HHIPL1: variants seen among roughly 807,000 people sequenced by gnomAD.
HHIPL1 encodes HHIP-like protein 1.
HHIPL1 carries 43 observed loss-of-function variants against 61.8 expected under a neutral mutation model. The observed-to-expected ratio is 0.70, with a 90% CI of 0.55 to 0.90. The LOEUF (loss-of-function observed/expected upper bound fraction) is 0.90. HHIPL1 is among the 40% of genes least tolerant of loss of function. The probability of loss-of-function intolerance (pLI) is 0.00; values close to 1 mark genes in which losing one functional copy is unlikely to be tolerated. For synonymous variants in HHIPL1, 482 were observed against 515.8 expected (o/e 0.93, Z 0.89); for missense variants, 1,056 against 1,157.7 (o/e 0.91, Z 1.28).
chr14:99,672,862 G>A (rs1315799633), intron 8 of HHIPL1, among the ~76,000 whole-genome samples: 2 of 152,200 alleles, frequency 1.3e-5, no homozygotes, highest in Admixed American at 6.5e-5. Flanking sequence ...GGCTGGGGCT[G>A]TTCCCCTGGG....
At chr14:99,637,049 A>AAGAAAGAG in the HHIPL1 span, among the ~76,000 whole-genome samples, 1 of 94,084 alleles carries the variant, frequency 1.1e-5, no homozygotes, top group Non-Finnish European at 2.5e-5. Flanking sequence ...GAAAGAAAGA[A>AAGAAAGAG]GGAAGGAAGG....
chr14:99,606,929 C>G, the HHIPL1 span, among the ~76,000 whole-genome samples: 1 of 152,038 alleles, frequency 6.6e-6, no homozygotes, highest in South Asian at 2.1e-4. Flanking sequence ...CCCGGAGGGC[C>G]CATATCGCAG....
At chr14:99,635,245 G>C in the HHIPL1 span, among the ~76,000 whole-genome samples, 3 of 152,162 alleles carry the variant, frequency 2.0e-5, no homozygotes, top group Admixed American at 2.0e-4. Context: ...GGAACATGGA[G>C]AGCCAGGGCC....
chr14:99,666,492 G>C (rs1442061949), intron 6 of HHIPL1, among the ~76,000 whole-genome samples: 1 of 152,196 alleles, frequency 6.6e-6, no homozygotes, highest in Non-Finnish European at 1.5e-5. Flanking sequence ...TGGGGAAACT[G>C]TGGCTGACTA....
chr14:99,670,486 T>G lies in HHIPL1; in HGVS notation c.1731-1831T>G, dbSNP rs374195345. Among the ~76,000 whole-genome samples the G allele has an allele frequency of 5.4e-4, 83 of 152,330 alleles. 2 individuals carry two copies. In the South Asian group the frequency reaches 0.015, roughly 27 times the overall value. On this transcript the variant is annotated intron_variant, in intron 7 of 8. Coordinates refer to ENST00000330710, the MANE Select transcript of HHIPL1 (RefSeq NM_001127258.3). ...TCCTGTTCCAGGATCCTGTGTTGCC[T>G]TTAGTGGTTGCGTCTGCTTAGCTTT...
chr14:99,645,822 G>A (rs2055823783), intron 1 of HHIPL1, among the ~76,000 whole-genome samples: 1 of 152,208 alleles, frequency 6.6e-6, no homozygotes, highest in Non-Finnish European at 1.5e-5. Context: ...CTGCACCCTT[G>A]TCGGGGTACC....
chr14:99,610,982 A>G, the HHIPL1 span, among the ~76,000 whole-genome samples: 1 of 152,178 alleles, frequency 6.6e-6, no homozygotes, highest in Non-Finnish European at 1.5e-5. Context: ...GCCTCCACCC[A>G]TTTGACGGAA....
upstream of HHIPL1, among the ~76,000 whole-genome samples, chr14:99,641,845 C>T (rs1314692654): frequency 6.6e-6 from 1 of 151,914 alleles, no homozygotes; most frequent in African/African-American, 2.4e-5. Flanking sequence ...TAGGATATGC[C>T]TCGCTGTTGA....
At chr14:99,640,875 TTC>T (rs1491476083), upstream of HHIPL1, among the ~76,000 whole-genome samples, 32 of 135,650 alleles carry the variant, frequency 2.4e-4, no homozygotes, top group African/African-American at 3.8e-4. Context: ...TTACTTCTTC[TTC>T]TTTTTTTTTT....
chr14:99,615,070 A>G, the HHIPL1 span, among the ~76,000 whole-genome samples: 6 of 152,306 alleles, frequency 3.9e-5, no homozygotes, highest in Non-Finnish European at 5.9e-5. Flanking sequence ...TGATGTTGAC[A>G]TTCTCAACAG....
the HHIPL1 span, among the ~76,000 whole-genome samples, chr14:99,631,102 TTCTTTC>T: frequency 3.2e-4 from 41 of 128,686 alleles, no homozygotes; most frequent in African/African-American, 8.2e-4. Context: ...CTTTCTTTCT[TTCTTTC>T]TCTCTCTTTC....
chr14:99,637,455 C>G, the HHIPL1 span, among the ~76,000 whole-genome samples: 2 of 150,722 alleles, frequency 1.3e-5, no homozygotes, highest in African/African-American at 4.9e-5. Context: ...GCCTCTAATC[C>G]CAGCTACTTG....
intron 1 of HHIPL1, among the ~76,000 whole-genome samples, chr14:99,651,274 C>CACAAA (rs142413620): frequency 0.18 from 26,797 of 151,550 alleles, 2,457 homozygotes; most frequent in Middle Eastern, 0.3. Flanking sequence ...AACGGACAAA[C>CACAAA]ACAAAACAAA....
Position 99,675,447 on chromosome 14 carries a change from G to A in HHIPL1, c.2170G>A (p.Ala724Thr). The change falls in exon 9 of 9, where the codon GCC becomes ACC. Residue 724 changes from alanine to threonine, a missense_variant. Physicochemically the swap from Ala to Thr is moderately conservative, Grantham distance 58 (BLOSUM62 0). Coordinates refer to ENST00000330710, the MANE Select transcript of HHIPL1 (RefSeq NM_001127258.3). The surrounding 1 kb of genome is among the most constrained non-coding windows in gnomAD (Gnocchi z 5.4). ...RQLGFAYAVR[A>T]VKRAEFGQGG... ...GCTGGGGTTTGCCTACGCCGTGCGC[G>A]CCGTCAAGAGAGCCGAGTTCGGCCA... is the stretch of plus-strand genomic sequence containing the variant. 2 of 1,538,390 alleles carry A rather than the reference G, an allele frequency of 1.3e-6. No individual in the cohort carries two copies. Among genetic ancestry groups the A allele is most frequent in the African/African-American group, 1.4e-5 (1 of 72,974 alleles).
chr14:99,662,498 C>A (rs2056168055), intron 5 of HHIPL1, among the ~76,000 whole-genome samples: 1 of 152,172 alleles, frequency 6.6e-6, no homozygotes, highest in African/African-American at 2.4e-5. Context: ...TTGTTCGTTC[C>A]TGTGGGTGTC....
At chr14:99,663,959 A>T (rs1292861023) in intron 6 of HHIPL1, among the ~76,000 whole-genome samples, 1 of 152,226 alleles carries the variant, frequency 6.6e-6, no homozygotes, top group Non-Finnish European at 1.5e-5. Context: ...GATTTGGGCC[A>T]TTCAATGAAA....
At chr14:99,611,268 G>A in the HHIPL1 span, among the ~76,000 whole-genome samples, 1 of 150,954 alleles carries the variant, frequency 6.6e-6, no homozygotes, top group African/African-American at 2.4e-5. Context: ...TGAGTAGCTT[G>A]GACTACAGGC....
the HHIPL1 span, among the ~76,000 whole-genome samples, chr14:99,623,455 C>T: frequency 6.6e-6 from 1 of 152,062 alleles, no homozygotes; most frequent in African/African-American, 2.4e-5. Flanking sequence ...GCTCTGTCCC[C>T]CAGGCTGGAG....
the HHIPL1 span, among the ~76,000 whole-genome samples, chr14:99,623,580 A>AT: frequency 3.3e-5 from 5 of 152,088 alleles, no homozygotes; most frequent in African/African-American, 7.2e-5. Flanking sequence ...CGCCTGGCTG[A>AT]TTTTTTTGTT....
Sources: gnomAD v4.1 joint callset for allele counts (sites outside exome capture counted in the v4.1 genomes callset) on GRCh38, gnomAD v4.1.1 for gene constraint, Gnocchi (gnomAD v3.1) non-coding constraint, MANE v1.5 for transcripts, NCBI Gene and HGNC (gene_info 2026-07-23, HGNC 2026-07-21) for gene names.